KCNJ16: variants seen among roughly 807,000 people sequenced by gnomAD.
KCNJ16 encodes potassium inwardly rectifying channel subfamily J member 16.
In KCNJ16, 15 loss-of-function variants were observed where a neutral mutation model predicts 18.5. That is an observed-to-expected ratio of 0.81 (90% CI 0.54 to 1.25). KCNJ16 has a LOEUF of 1.25. Among genes scored for constraint, KCNJ16 ranks in the 50% most tolerant of loss-of-function variants. The pLI is 0.00. For missense variants in KCNJ16, 523 were observed against 525.7 expected (o/e 0.99, Z 0.05); for synonymous variants, 174 against 186.5 (o/e 0.93, Z 0.55).
intron 1 of KCNJ16, among the ~76,000 whole-genome samples, chr17:70,083,022 A>G (rs904003678): frequency 6.6e-6 from 1 of 151,846 alleles, no homozygotes; most frequent in Non-Finnish European, 1.5e-5. Context: ...TGAACACTCA[A>G]GGTTTGATTA....
intron 2 of KCNJ16, among the ~76,000 whole-genome samples, chr17:70,102,855 T>C (rs550232248): frequency 1.3e-5 from 2 of 152,266 alleles, no homozygotes; most frequent in African/African-American, 4.8e-5. Flanking sequence ...GACATCACAC[T>C]GCTAAATCCA....
At chr17:70,115,898 C>T (rs903893108) in intron 2 of KCNJ16, among the ~76,000 whole-genome samples, 6 of 152,186 alleles carry the variant, frequency 3.9e-5, no homozygotes, top group African/African-American at 1.4e-4. Context: ...GTACGACTGT[C>T]TGCCTTGCTG....
At chr17:70,110,917 C>T (rs1175816491) in intron 2 of KCNJ16, among the ~76,000 whole-genome samples, 1 of 152,152 alleles carries the variant, frequency 6.6e-6, no homozygotes, top group African/African-American at 2.4e-5. Context: ...TGGTGGAGGT[C>T]TGCTACAGTC....
At chr17:70,095,314 C>A (rs1316596585) in intron 1 of KCNJ16, among the ~76,000 whole-genome samples, 1 of 152,124 alleles carries the variant, frequency 6.6e-6, no homozygotes, top group African/African-American at 2.4e-5. Context: ...CCCAGGAAGC[C>A]CAATCATAAC....
chr17:70,127,178 G>C lies in KCNJ16; in HGVS notation c.-190-3701G>C, dbSNP rs373799870. On this transcript the variant is annotated intron_variant, in intron 2 of 3. Coordinates refer to ENST00000392671, the MANE Select transcript of KCNJ16 (RefSeq NM_170741.4). ...TTAGGGTTAGGGGTTAGAGCTGAGAGGGAGAAGAGATCAGAAAGGGAAGAA... is the reference window on the plus strand; with the variant it reads ...TTAGGGTTAGGGGTTAGAGCTGAGACGGAGAAGAGATCAGAAAGGGAAGAA... Among the ~76,000 whole-genome samples the C allele has an allele frequency of 5.3e-5, 8 of 152,310 alleles. No individual in the cohort carries two copies. The South Asian group carries it at 8.3e-4, about 16-fold the overall frequency.
At chr17:70,103,310 A>G (rs773212060) in intron 2 of KCNJ16, among the ~76,000 whole-genome samples, 1,229 of 16,206 alleles carry the variant, frequency 0.076, 18 homozygotes, top group Non-Finnish European at 0.13. Context: ...ATATATATAT[A>G]TATATATATA....
intron 2 of KCNJ16, among the ~76,000 whole-genome samples, chr17:70,119,634 T>C (rs2073551087): frequency 6.6e-6 from 1 of 152,098 alleles, no homozygotes; most frequent in Non-Finnish European, 1.5e-5. Flanking sequence ...TGGGGCCCTT[T>C]GAGCTAAGGC....
chr17:70,105,664 T>C (rs989494484), intron 2 of KCNJ16, among the ~76,000 whole-genome samples: 23 of 152,330 alleles, frequency 1.5e-4, no homozygotes, highest in Admixed American at 8.5e-4. Context: ...CCTTCAAGCA[T>C]TGAAATCTGA....
chr17:70,121,813 A>G (rs1475869147), intron 2 of KCNJ16, among the ~76,000 whole-genome samples: 1 of 152,102 alleles, frequency 6.6e-6, no homozygotes, highest in Non-Finnish European at 1.5e-5. Context: ...AATACAAAAA[A>G]TTAGCTGAGT....
chr17:70,080,526 C>T (rs1598080250), intron 1 of KCNJ16, among the ~76,000 whole-genome samples: 1 of 151,956 alleles, frequency 6.6e-6, no homozygotes, highest in Non-Finnish European at 1.5e-5. Context: ...CTCAAATACC[C>T]CTGGACTTGG....
At chr17:70,081,011 A>G (rs1445819737) in intron 1 of KCNJ16, among the ~76,000 whole-genome samples, 2 of 152,216 alleles carry the variant, frequency 1.3e-5, no homozygotes, top group African/African-American at 2.4e-5. Flanking sequence ...TTCGGTTCTT[A>G]GCTGACCTGT....
At chr17:70,109,255 A>C (rs2073079890) in intron 2 of KCNJ16, among the ~76,000 whole-genome samples, 1 of 152,118 alleles carries the variant, frequency 6.6e-6, no homozygotes, top group African/African-American at 2.4e-5. Flanking sequence ...ACTAGTTAAG[A>C]TTCAATTCTT....
At chr17:70,131,401 C>A (rs879102838) in intron 3 of KCNJ16, 2 of 1,014,732 alleles carry the variant, frequency 2.0e-6, no homozygotes, top group East Asian at 9.5e-5. Context: ...AGTAGTACTC[C>A]TGTCAGTTCT....
Position 70,132,692 on chromosome 17 carries a change from G to C in KCNJ16, c.605G>C (p.Arg202Pro), listed in dbSNP as rs142348698. The change falls in exon 4 of 4, where the codon CGC becomes CCC. Residue 202 changes from arginine (R) to proline (P), a missense_variant. Transcript: ENST00000392671. ...GATGGGAAGCTTTGCCTCATGTGGCGCATTGGTGATTTTCGGCCAAACCAC... is the reference window on the plus strand; with the variant it reads ...GATGGGAAGCTTTGCCTCATGTGGCCCATTGGTGATTTTCGGCCAAACCAC... ...MRDGKLCLMWRIGDFRPNHVV... is the reference protein window; with the variant it reads ...MRDGKLCLMWPIGDFRPNHVV... 1 of 1,614,028 alleles carries C rather than the reference G, an allele frequency of 6.2e-7. No homozygotes were observed. The highest frequency in any genetic ancestry group is 2.2e-5 in the East Asian group (1 of 44,892).
At chr17:70,098,374 G>A (rs2072475509) in intron 1 of KCNJ16, among the ~76,000 whole-genome samples, 1 of 152,254 alleles carries the variant, frequency 6.6e-6, no homozygotes, top group South Asian at 2.1e-4. Flanking sequence ...TTTTATTCAT[G>A]AGTACAGTTC....
At chr17:70,120,919 T>C (rs1290728852) in intron 2 of KCNJ16, among the ~76,000 whole-genome samples, 2 of 152,184 alleles carry the variant, frequency 1.3e-5, no homozygotes, top group African/African-American at 2.4e-5. Context: ...AAGTGAATAC[T>C]CAAGAAACCA....
chr17:70,091,464 C>T (rs1386974770), intron 1 of KCNJ16, among the ~76,000 whole-genome samples: 1 of 152,212 alleles, frequency 6.6e-6, no homozygotes, highest in South Asian at 2.1e-4. Flanking sequence ...TTACAGGGGT[C>T]AAAGAATCAA....
chr17:70,125,713 G>A (rs564249375), intron 2 of KCNJ16, among the ~76,000 whole-genome samples: 2 of 152,280 alleles, frequency 1.3e-5, no homozygotes, highest in African/African-American at 2.4e-5. Flanking sequence ...GGTGGATCAC[G>A]AGGTCAAGAG....
chr17:70,081,102 A>AT (rs2071533306), intron 1 of KCNJ16, among the ~76,000 whole-genome samples: 1 of 152,144 alleles, frequency 6.6e-6, no homozygotes, highest in African/African-American at 2.4e-5. Flanking sequence ...TTGCAACCAA[A>AT]ATTTGGGAAG....
Sources: gnomAD v4.1 joint callset for allele counts (sites outside exome capture counted in the v4.1 genomes callset) on GRCh38, gnomAD v4.1.1 for gene constraint, MANE v1.5 for transcripts, NCBI Gene and HGNC (gene_info 2026-07-23, HGNC 2026-07-21) for gene names.